CAMTA1: variants seen among roughly 807,000 people sequenced by gnomAD.
CAMTA1 encodes the protein calmodulin-binding transcription activator 1.
Under a neutral mutation model 170.9 loss-of-function variants are expected in CAMTA1, and 27 were observed. The observed-to-expected ratio is 0.16, with a 90% confidence interval of 0.12 to 0.22. The LOEUF is 0.22. CAMTA1 is among the 10% of genes least tolerant of loss of function. CAMTA1 has a pLI of 1.00. For synonymous variants in CAMTA1, 833 were observed against 891.5 expected, an observed-to-expected ratio of 0.93 and a Z score of 1.17; for missense variants, 1,619 against 2,217.2, an observed-to-expected ratio of 0.73 and a Z score of 5.42.
chr1:7,612,364 G>A (rs189145918), intron 6 of CAMTA1, among the ~76,000 whole-genome samples: 111 of 152,256 alleles, frequency 7.3e-4, no homozygotes, highest in Non-Finnish European at 1.0e-3. Flanking sequence ...TCCTCTCGAC[G>A]TTTAGACACT....
chr1:7,272,692 C>CAAAAAAAAAAAACAAAAAAAAAA (rs1669989601), intron 5 of CAMTA1, among the ~76,000 whole-genome samples: 1 of 38,804 alleles, frequency 2.6e-5, no homozygotes, highest in Non-Finnish European at 4.6e-5. Context: ...TAAACACATG[C>CAAAAAAAAAAAACAAAAAAAAAA]AAAAAAAAAA....
chr1:7,037,186 C>G (rs17030173), intron 3 of CAMTA1, among the ~76,000 whole-genome samples: 3,041 of 152,312 alleles, frequency 0.02, 90 homozygotes, highest in African/African-American at 0.069. Flanking sequence ...CTACTTGCAG[C>G]TGTCTGATAA....
intron 3 of CAMTA1, chr1:6,852,981 T>A (rs1660993174): frequency 1.6e-5 from 1 of 62,596 alleles, no homozygotes; most frequent in African/African-American, 6.3e-5. Flanking sequence ...CTCTTCTTAC[T>A]ACCGTGTTTC....
rs780616131 is a variant in CAMTA1 at position 7,600,875 on chromosome 1, T to A, written c.511-39525T>A. 3.2e-4 allele frequency among the ~76,000 whole-genome samples: 49 copies of A among 151,480 alleles called. 1 individual carries two copies. The highest frequency in any genetic ancestry group is 5.3e-4 in the Non-Finnish European group (36 of 67,766). ...AGAACAAAATGAAAAGTCTCCCATG[T>A]CTACCTCTTTCTACACAGACATGGC... is the stretch of plus-strand genomic sequence containing the variant. On this transcript the variant is annotated intron_variant, in intron 6 of 22. Transcript: ENST00000303635.
chr1:7,764,600 T>C (rs759068779), intron 22 of CAMTA1, among the ~76,000 whole-genome samples: 1 of 152,196 alleles, frequency 6.6e-6, no homozygotes, highest in Non-Finnish European at 1.5e-5. Flanking sequence ...TCTCAACCTA[T>C]ACAATATAGC....
At chr1:6,926,049 G>A (rs4908574) in intron 3 of CAMTA1, among the ~76,000 whole-genome samples, 99,638 of 152,152 alleles carry the variant, frequency 0.65, 32,921 homozygotes, top group Admixed American at 0.74. Context: ...TGTCCCAGGC[G>A]CTGTTCCTCC....
At chr1:7,584,871 T>C (rs910931560) in intron 6 of CAMTA1, among the ~76,000 whole-genome samples, 1 of 152,152 alleles carries the variant, frequency 6.6e-6, no homozygotes, top group Admixed American at 6.5e-5. Context: ...CATCCTGCAA[T>C]GCACCGGACA....
In CAMTA1 at chr1:7,044,215, T is replaced by C. The variant is rs931290554; in HGVS notation, c.235-47089T>C. Among the ~76,000 whole-genome samples, 3 of 152,208 alleles carry C rather than the reference T, an allele frequency of 2.0e-5. No individual in the cohort carries two copies. The highest frequency in any genetic ancestry group is 4.8e-5 in the African/African-American group (2 of 41,466). On this transcript the variant is annotated intron_variant, in intron 3 of 22. Coordinates refer to ENST00000303635, the MANE Select transcript of CAMTA1 (RefSeq NM_015215.4). This position sits in a 1 kb window ranked among gnomAD's most constrained non-coding sequence, Gnocchi z 5.0. ...CTGCAGAGCAGGCGCCCCAGTGTCA[T>C]GGACCCTGTGGCCACAGCTGCTGGG...
chr1:7,630,204 C>T (rs1351572832), intron 6 of CAMTA1, among the ~76,000 whole-genome samples: 2 of 152,204 alleles, frequency 1.3e-5, no homozygotes, highest in South Asian at 4.1e-4. Flanking sequence ...GCTTGACCCC[C>T]CTCTCAGCCT....
At chr1:7,369,383 C>T (rs1050878239) in intron 5 of CAMTA1, among the ~76,000 whole-genome samples, 29 of 152,258 alleles carry the variant, frequency 1.9e-4, no homozygotes, top group African/African-American at 5.8e-4. Flanking sequence ...AGCATACCCT[C>T]GCTTCTGACA....
In CAMTA1 at chr1:7,561,888, G is replaced by T. The variant is rs932056883; in HGVS notation, c.511-78512G>T. 6.6e-6 allele frequency among the ~76,000 whole-genome samples: 1 copy of T among 152,178 alleles called. No homozygotes were observed. Among genetic ancestry groups the T allele is most frequent in the Non-Finnish European group, 1.5e-5 (1 of 68,042 alleles). On this transcript the variant is annotated intron_variant, in intron 6 of 22. Transcript: ENST00000303635. The surrounding 1 kb of genome is among the most constrained non-coding windows in gnomAD (Gnocchi z 5.3). The stretch of plus-strand genomic sequence containing the variant: ...GGAGGAGGAAGCCATCCTCGAGGCA[G>T]CCTTCACCAGCATGTGTCACCAGGC...
chr1:7,490,324 T>C (rs956465166), intron 6 of CAMTA1, among the ~76,000 whole-genome samples: 2 of 152,154 alleles, frequency 1.3e-5, no homozygotes, highest in Non-Finnish European at 2.9e-5. Flanking sequence ...AACACAACAG[T>C]GAGCCCTCCA....
rs1725228 is a variant in CAMTA1 at position 7,534,699 on chromosome 1, A to G, written c.510+66798A>G. On this transcript the variant is annotated intron_variant, in intron 6 of 22. Coordinates refer to ENST00000303635, the MANE Select transcript of CAMTA1 (RefSeq NM_015215.4). The surrounding 1 kb of genome is among the most constrained non-coding windows in gnomAD (Gnocchi z 5.6). ...GAGGGGAGCTGAGGCCACGGCGGGG[A>G]CTCCTCACTCCTCCTTCCTAAGACC... 0.77 allele frequency among the ~76,000 whole-genome samples: 117,359 copies of G among 151,928 alleles called. 45,524 individuals are homozygous for G. Among genetic ancestry groups the G allele is most frequent in the Middle Eastern group, 0.85 (249 of 294 alleles).
chr1:6,861,415 C>T (rs1664642626), intron 3 of CAMTA1, among the ~76,000 whole-genome samples: 1 of 152,208 alleles, frequency 6.6e-6, no homozygotes, highest in African/African-American at 2.4e-5. Flanking sequence ...GAAATGATCT[C>T]TAACCCATAC....
chr1:6,816,904 A>G (rs1252383875), intron 1 of CAMTA1, among the ~76,000 whole-genome samples: 10 of 152,172 alleles, frequency 6.6e-5, no homozygotes, highest in African/African-American at 2.4e-4. Context: ...TTATCATGGA[A>G]GTTTTTTTGT....
chr1:7,647,433 G>A (rs564582129), intron 7 of CAMTA1, among the ~76,000 whole-genome samples: 3 of 152,176 alleles, frequency 2.0e-5, no homozygotes, highest in African/African-American at 4.8e-5. Flanking sequence ...CAGTGGCAGC[G>A]GCCCCGCTCG....
At chr1:7,058,064 G>T (rs759412678) in intron 3 of CAMTA1, among the ~76,000 whole-genome samples, 4 of 152,176 alleles carry the variant, frequency 2.6e-5, no homozygotes, top group Non-Finnish European at 4.4e-5. Context: ...TAATGTCCAG[G>T]CAGGACGGAG....
At chr1:7,145,111 G>A (rs1646106567) in intron 4 of CAMTA1, among the ~76,000 whole-genome samples, 1 of 152,198 alleles carries the variant, frequency 6.6e-6, no homozygotes, top group South Asian at 2.1e-4. Context: ...ACGAGGGGCA[G>A]ACTGAGTCCT....
rs77871211 is a variant in CAMTA1 at position 7,200,229 on chromosome 1, T to G, written c.303-49262T>G. ...ACATTTTAACACTCTTTTGAAATAT[T>G]TGAGAATAGATTGAAGACATGAAGC... On this transcript the variant is annotated intron_variant, in intron 4 of 22. Coordinates refer to ENST00000303635, the MANE Select transcript of CAMTA1 (RefSeq NM_015215.4). Among the ~76,000 whole-genome samples, 810 of 152,318 alleles carry G rather than the reference T, an allele frequency of 5.3e-3. 15 individuals carry two copies. Among genetic ancestry groups the G allele is most frequent in the Admixed American group, 0.04 (611 of 15,296 alleles).
Sources: gnomAD v4.1 joint callset for allele counts (sites outside exome capture counted in the v4.1 genomes callset) on GRCh38, gnomAD v4.1.1 for gene constraint, Gnocchi (gnomAD v3.1) non-coding constraint, MANE v1.5 for transcripts, NCBI Gene and HGNC (gene_info 2026-07-23, HGNC 2026-07-21) for gene names.